The following TMEM178B variants were observed in gnomAD, a reference collection of about 807,000 sequenced individuals.
TMEM178B encodes transmembrane protein 178B.
In TMEM178B, 5 loss-of-function variants were observed where a neutral mutation model predicts 31.0. The ratio of observed to expected loss-of-function variants is 0.16; its 90% CI spans 0.08 to 0.34. The LOEUF is 0.34. TMEM178B is among the 10% of genes least tolerant of loss of function. The pLI is 1.00. For missense variants in TMEM178B, 275 were observed against 400.3 expected (o/e 0.69, Z 2.67); for synonymous variants, 164 against 164.0 (o/e 1.00, Z 0.00).
At chr7:141,235,017 C>A (rs1048345367) in intron 2 of TMEM178B, among the ~76,000 whole-genome samples, 2 of 152,108 alleles carry the variant, frequency 1.3e-5, no homozygotes, top group Non-Finnish European at 2.9e-5. Context: ...AAAAGAAATC[C>A]TAGGATCAAT....
the TMEM178B span, among the ~76,000 whole-genome samples, chr7:141,502,223 C>T: frequency 1.3e-4 from 16 of 127,036 alleles, no homozygotes; most frequent in South Asian, 1.3e-3. Flanking sequence ...TCTCTTTGAA[C>T]GCCTTATCTC....
intron 1 of TMEM178B, among the ~76,000 whole-genome samples, chr7:141,099,693 A>G (rs1795021134): frequency 6.6e-6 from 1 of 152,250 alleles, no homozygotes; most frequent in Admixed American, 6.5e-5. Flanking sequence ...ATGGTCCTTA[A>G]TCACAGCTTA....
At chr7:141,215,893 CTTCT>C (rs149066700) in intron 2 of TMEM178B, among the ~76,000 whole-genome samples, 80,655 of 120,344 alleles carry the variant, frequency 0.67, 28,953 homozygotes, top group Middle Eastern at 0.81. Flanking sequence ...CCTTCCTTTC[CTTCT>C]TTCTTTCTTT....
rs1802445759 is a variant in TMEM178B, at chr7:141,480,063, T to A, written c.*9277T>A. The stretch of plus-strand genomic sequence containing the variant: ...AGGAAAGGCGATTCAAACCAGATCT[T>A]GAAACTATTGTGATGTTCTGAGAGG... On this transcript the variant is annotated 3_prime_UTR_variant, in exon 4 of 4. Transcript: ENST00000565468. The A allele has an allele frequency of 6.6e-6, 1 of 152,194 alleles. No individual in the cohort carries two copies. The highest frequency in any genetic ancestry group is 2.4e-5 in the African/African-American group (1 of 41,446). The allele number at this position is 152,194 out of a possible 1,614,324, so 9.4% of individuals were successfully genotyped here.
intron 3 of TMEM178B, among the ~76,000 whole-genome samples, chr7:141,463,164 C>A (rs1258026088): frequency 6.6e-6 from 1 of 152,158 alleles, no homozygotes; most frequent in Non-Finnish European, 1.5e-5. Context: ...CAGTGAGAGT[C>A]CTGGCACAGA....
At chr7:141,380,322 C>T (rs1779654302) in intron 2 of TMEM178B, among the ~76,000 whole-genome samples, 1 of 152,146 alleles carries the variant, frequency 6.6e-6, no homozygotes, top group Non-Finnish European at 1.5e-5. Context: ...TTTGTGAAGA[C>T]CTTCCTAATT....
the TMEM178B span, among the ~76,000 whole-genome samples, chr7:141,503,013 G>T: frequency 4.6e-5 from 7 of 152,108 alleles, no homozygotes; most frequent in African/African-American, 1.7e-4. Flanking sequence ...AAAGTGTATT[G>T]CCTTTAGGTC....
intron 2 of TMEM178B, among the ~76,000 whole-genome samples, chr7:141,376,378 A>G (rs1800214257): frequency 6.6e-6 from 1 of 152,238 alleles, no homozygotes; most frequent in South Asian, 2.1e-4. Flanking sequence ...CCAACTACAC[A>G]GGTTACTTTC....
intron 2 of TMEM178B, among the ~76,000 whole-genome samples, chr7:141,436,078 G>T (rs1158122606): frequency 6.6e-6 from 1 of 152,184 alleles, no homozygotes; most frequent in Non-Finnish European, 1.5e-5. Context: ...GACAAGAAGG[G>T]TGGTCTGGAT....
intron 1 of TMEM178B, among the ~76,000 whole-genome samples, chr7:141,188,897 T>C (rs1298654929): frequency 1.3e-5 from 2 of 152,208 alleles, no homozygotes; most frequent in Non-Finnish European, 2.9e-5. Flanking sequence ...GCGTTATTCA[T>C]TGGTAATGCT....
intron 3 of TMEM178B, among the ~76,000 whole-genome samples, chr7:141,443,663 C>T (rs1482023134): frequency 6.6e-6 from 1 of 152,024 alleles, no homozygotes. Context: ...ATTATTTTTC[C>T]CCCATTTCCC....
chr7:141,436,465 C>T (rs1184622874), intron 2 of TMEM178B, among the ~76,000 whole-genome samples: 2 of 152,094 alleles, frequency 1.3e-5, no homozygotes, highest in Non-Finnish European at 2.9e-5. Flanking sequence ...TGTGGAGCCC[C>T]ACTGGCAGGC....
Position 141,191,837 on chromosome 7 carries a change from C to T in TMEM178B, c.383-20754C>T, listed in dbSNP as rs540308651. Among the ~76,000 whole-genome samples the T allele has an allele frequency of 5.9e-5, 9 of 152,138 alleles. No homozygotes were observed. In the South Asian group the frequency reaches 8.3e-4, roughly 14 times the overall value. On this transcript the variant is annotated intron_variant, in intron 1 of 3. Coordinates refer to ENST00000565468, the MANE Select transcript of TMEM178B (RefSeq NM_001195278.2). ...TGCTATGTGAAATTTTGTATTTTTA[C>T]GTATTCAAATTTATCAGTATTTTCT...
chr7:141,134,193 C>A (rs1439015684), intron 1 of TMEM178B, among the ~76,000 whole-genome samples: 2 of 152,070 alleles, frequency 1.3e-5, no homozygotes, highest in Non-Finnish European at 2.9e-5. Context: ...TATGATCATG[C>A]CACTGCACTT....
intron 1 of TMEM178B, among the ~76,000 whole-genome samples, chr7:141,118,866 A>G (rs1004146110): frequency 6.6e-6 from 1 of 152,218 alleles, no homozygotes; most frequent in African/African-American, 2.4e-5. Flanking sequence ...GCCACTTCGG[A>G]AAATCTTACT....
intron 2 of TMEM178B, among the ~76,000 whole-genome samples, chr7:141,326,904 A>G (rs1411933077): frequency 6.6e-6 from 1 of 152,144 alleles, no homozygotes; most frequent in Non-Finnish European, 1.5e-5. Context: ...AGCCCTTGAT[A>G]TTTGGTTAGT....
intron 1 of TMEM178B, among the ~76,000 whole-genome samples, chr7:141,086,417 A>G (rs138375961): frequency 3.1e-4 from 47 of 152,364 alleles, no homozygotes; most frequent in African/African-American, 1.1e-3. Context: ...ATATTATTAC[A>G]TGAAGCATAT....
At chr7:141,160,811 G>A (rs6951624) in intron 1 of TMEM178B, among the ~76,000 whole-genome samples, 110,438 of 152,156 alleles carry the variant, frequency 0.73, 40,733 homozygotes, top group African/African-American at 0.84. Flanking sequence ...GGCCTGCATA[G>A]AGATTCAATT....
Position 141,175,525 on chromosome 7 carries a change from A to G in TMEM178B, c.383-37066A>G, listed in dbSNP as rs141818276. 4.5e-4 allele frequency among the ~76,000 whole-genome samples: 69 copies of G among 152,242 alleles called. 1 individual carries two copies. The East Asian group carries it at 0.012, about 26-fold the overall frequency. On this transcript the variant is annotated intron_variant, in intron 1 of 3. Transcript: ENST00000565468. ...AAGTCAATGGTGGCTTGATTGGGAT[A>G]GCATTAAATCTATAAATTACTTTAG...
Sources: allele counts gnomAD v4.1 joint callset (sites outside exome capture counted in the v4.1 genomes callset), GRCh38; gene constraint gnomAD v4.1.1; transcripts MANE v1.5; gene names NCBI Gene and HGNC (gene_info 2026-07-23, HGNC 2026-07-21).